The following SGCD variants were observed in gnomAD, a reference collection of about 807,000 sequenced individuals.
SGCD encodes the protein delta-sarcoglycan.
In SGCD, 18 loss-of-function variants were observed where a neutral mutation model predicts 36.6. The observed-to-expected ratio is 0.49, with a 90% CI of 0.34 to 0.73. SGCD has a LOEUF of 0.73. Among genes scored for constraint, SGCD ranks in the 30% least tolerant of loss-of-function variants. The pLI is 0.01. For missense variants in SGCD, 387 were observed against 346.7 expected, an observed-to-expected ratio of 1.12 and a Z score of -0.92; for synonymous variants, 133 against 130.6, an observed-to-expected ratio of 1.02 and a Z score of -0.12.
At chr5:155,987,047 G>A (rs1206493944) in intron 1 of SGCD, among the ~76,000 whole-genome samples, 1 of 152,104 alleles carries the variant, frequency 6.6e-6, no homozygotes, top group African/African-American at 2.4e-5. Flanking sequence ...ACAGAATGTG[G>A]CCAATCCTTA....
At position 156,368,383 on chromosome 5, in the gene SGCD, G is replaced by A. The variant is rs192820997; in HGVS notation, c.192+23706G>A. Among the ~76,000 whole-genome samples the A allele has an allele frequency of 1.3e-4, 20 of 152,244 alleles. No homozygotes were observed. In the East Asian group the frequency reaches 3.7e-3, roughly 28 times the overall value. On this transcript the variant is annotated intron_variant, in intron 3 of 8. Coordinates refer to ENST00000337851, the MANE Select transcript of SGCD (RefSeq NM_000337.6). ...TGGGATTACAGGCGTGAGCCACTGC[G>A]CCTGGCCTGTACTCATGCTTTTTAG... is the stretch of plus-strand genomic sequence containing the variant.
chr5:156,465,610 C>G (rs140519837), intron 3 of SGCD, among the ~76,000 whole-genome samples: 1 of 152,326 alleles, frequency 6.6e-6, no homozygotes, highest in Non-Finnish European at 1.5e-5. Flanking sequence ...GAGCATCTCT[C>G]TTTCATCCCA....
At chr5:155,771,292 A>G in the SGCD span, among the ~76,000 whole-genome samples, 1 of 152,058 alleles carries the variant, frequency 6.6e-6, no homozygotes, top group Non-Finnish European at 1.5e-5. Context: ...TCTGTCACCT[A>G]GGCTGGAGTG....
Position 156,508,698 on chromosome 5 carries a change from G to T in SGCD, c.290G>T (p.Arg97Leu). The change falls in exon 4 of 9, where the codon CGA becomes CTA. Residue 97 changes from arginine to leucine, a missense_variant. Physicochemically the swap from Arg to Leu is moderately radical, Grantham distance 102 (BLOSUM62 -2). Transcript: ENST00000337851. Reference protein sequence around the residue: ...QPLYAKEIQSRPGNALYFKSA... With the variant: ...QPLYAKEIQSLPGNALYFKSA... The stretch of plus-strand genomic sequence containing the variant: ...CTCTACGCCAAAGAAATCCAGTCCC[G>T]ACCAGTAAGTTTCTGCTGAGAGAAG... 1 of 1,569,862 alleles carries T rather than the reference G, an allele frequency of 6.4e-7. No individual in the cohort carries two copies. Among genetic ancestry groups the T allele is most frequent in the South Asian group, 1.2e-5 (1 of 86,952 alleles).
At chr5:156,277,460 T>G (rs1766347107) in intron 3 of SGCD, among the ~76,000 whole-genome samples, 1 of 152,208 alleles carries the variant, frequency 6.6e-6, no homozygotes, top group Non-Finnish European at 1.5e-5. Flanking sequence ...CAAAGAGGGT[T>G]GTGGGCTCAC....
chr5:155,941,658 G>C (rs1349911760), intron 1 of SGCD, among the ~76,000 whole-genome samples: 2 of 151,360 alleles, frequency 1.3e-5, no homozygotes, highest in African/African-American at 4.9e-5. Flanking sequence ...ATAGTACTAA[G>C]GTTTTTCTGA....
At chr5:156,582,636 T>A (rs1171713885) in intron 4 of SGCD, among the ~76,000 whole-genome samples, 1 of 152,240 alleles carries the variant, frequency 6.6e-6, no homozygotes, top group Non-Finnish European at 1.5e-5. Context: ...CAGTATTTTT[T>A]TTCTCCTATG....
At chr5:156,067,640 G>T (rs1366804444) in intron 1 of SGCD, among the ~76,000 whole-genome samples, 1 of 108,582 alleles carries the variant, frequency 9.2e-6, no homozygotes, top group Admixed American at 8.6e-5. Context: ...ATATAGTCTC[G>T]TGGTGCGCCG....
chr5:156,011,553 C>T (rs1468440964), intron 1 of SGCD, among the ~76,000 whole-genome samples: 1 of 151,984 alleles, frequency 6.6e-6, no homozygotes, highest in Non-Finnish European at 1.5e-5. Context: ...AAGTCCTCTG[C>T]CTTAGCCTCC....
chr5:156,245,792 T>A (rs1006290760), intron 3 of SGCD, among the ~76,000 whole-genome samples: 8 of 151,638 alleles, frequency 5.3e-5, no homozygotes, highest in African/African-American at 1.5e-4. Context: ...GAAGAGAAAA[T>A]TTTTTCAAAT....
In SGCD at chr5:156,297,028, TAA is replaced by T. The variant is rs1491411883; in HGVS notation, c.-43-32504_-43-32503del. ...TTTAATTTTATGTGTGTATAGCATATAAATATATATATATATATGGGATATAT... is the reference window on the plus strand; with the variant it reads ...TTTAATTTTATGTGTGTATAGCATATATATATATATATATATGGGATATAT... On this transcript the variant is annotated intron_variant, in intron 3 of 9. Transcript: ENST00000517913. 5.0e-3 allele frequency among the ~76,000 whole-genome samples: 705 copies of T among 140,690 alleles called. 10 individuals carry two copies. The highest frequency in any genetic ancestry group is 0.021 in the African/African-American group (671 of 32,668). 92.3% of individuals were successfully genotyped at this position (140,690 alleles called of 152,430 possible). A position where few individuals can be genotyped will look rare whatever the true frequency, so the allele number is the denominator to read the frequency against.
the SGCD span, among the ~76,000 whole-genome samples, chr5:155,755,574 C>G: frequency 2.5e-3 from 378 of 152,288 alleles, 3 homozygotes; most frequent in African/African-American, 7.6e-3. Context: ...TTGAAAAGGA[C>G]TGGTTCTTGG....
the SGCD span, among the ~76,000 whole-genome samples, chr5:155,753,900 AT>A: frequency 5.1e-4 from 77 of 150,918 alleles, no homozygotes; most frequent in African/African-American, 1.6e-3. Flanking sequence ...GTCACATTTA[AT>A]TTTTTTTTTC....
chr5:156,699,635 A>G (rs1027950770), intron 7 of SGCD, among the ~76,000 whole-genome samples: 5 of 152,232 alleles, frequency 3.3e-5, no homozygotes, highest in Admixed American at 6.5e-5. Context: ...ATCAAGAGGT[A>G]TATTTACAAG....
At chr5:156,126,024 C>T (rs1053713321) in intron 3 of SGCD, among the ~76,000 whole-genome samples, 2 of 151,812 alleles carry the variant, frequency 1.3e-5, no homozygotes, top group Admixed American at 1.3e-4. Flanking sequence ...ATTGCAGGCG[C>T]CTGCCACCAC....
intron 3 of SGCD, among the ~76,000 whole-genome samples, chr5:156,508,027 A>C (rs1393362064): frequency 6.6e-6 from 1 of 152,156 alleles, no homozygotes; most frequent in Non-Finnish European, 1.5e-5. Context: ...AATAGCCATA[A>C]ATTGATAATC....
At chr5:156,720,446 G>C (rs571465022) in intron 7 of SGCD, among the ~76,000 whole-genome samples, 1 of 152,312 alleles carries the variant, frequency 6.6e-6, no homozygotes, top group Non-Finnish European at 1.5e-5. Flanking sequence ...AAGGTCCTGA[G>C]GATGTATCAT....
intron 1 of SGCD, among the ~76,000 whole-genome samples, chr5:156,072,302 A>C (rs1760600151): frequency 6.6e-6 from 1 of 151,930 alleles, no homozygotes; most frequent in African/African-American, 2.4e-5. Context: ...TGCTTCCTTC[A>C]GGAGCTCTTT....
chr5:155,949,476 G>A (rs1276442015), intron 1 of SGCD, among the ~76,000 whole-genome samples: 1 of 152,132 alleles, frequency 6.6e-6, no homozygotes, highest in African/African-American at 2.4e-5. Context: ...GAGACAACGA[G>A]GTTTCGTGAG....
Sources: allele counts gnomAD v4.1 joint callset (sites outside exome capture counted in the v4.1 genomes callset), GRCh38; gene constraint gnomAD v4.1.1; transcripts MANE v1.5; gene names NCBI Gene and HGNC (gene_info 2026-07-23, HGNC 2026-07-21).